Variants in SLC13A1 observed in about 807,000 individuals in gnomAD.
SLC13A1 encodes the protein Na(+)/sulfate cotransporter.
A neutral mutation model predicts 70.0 loss-of-function variants in SLC13A1; 65 were observed. The observed-to-expected ratio is 0.93, with a 90% CI of 0.76 to 1.14. The LOEUF (loss-of-function observed/expected upper bound fraction) is 1.14. Ranked by LOEUF, SLC13A1 falls within the 50% of genes most tolerant of loss-of-function variation. The pLI, the probability that SLC13A1 is intolerant of heterozygous loss-of-function variation, is 0.00. For synonymous variants in SLC13A1, 275 were observed against 250.5 expected (o/e 1.10, Z -0.92); for missense variants, 726 against 717.8 (o/e 1.01, Z -0.13).
intron 3 of SLC13A1, among the ~76,000 whole-genome samples, chr7:123,169,650 A>AAT (rs3034669): frequency 0.27 from 40,539 of 151,968 alleles, 5,551 homozygotes; most frequent in Non-Finnish European, 0.28. Context: ...AACAGCTTAT[A>AAT]ATATTACACC....
chr7:123,185,114 T>G (rs1795757343), intron 1 of SLC13A1, among the ~76,000 whole-genome samples: 1 of 152,082 alleles, frequency 6.6e-6, no homozygotes, highest in African/African-American at 2.4e-5. Context: ...AATTTTTTGC[T>G]TATTTTTCAA....
chr7:123,152,053 T>G (rs1794575851), intron 6 of SLC13A1, among the ~76,000 whole-genome samples: 1 of 152,144 alleles, frequency 6.6e-6, no homozygotes, highest in South Asian at 2.1e-4. Context: ...AGAATCTAAA[T>G]GTAGTTAAGG....
intron 14 of SLC13A1, among the ~76,000 whole-genome samples, chr7:123,116,736 T>C (rs188195060): frequency 2.4e-4 from 36 of 152,302 alleles, no homozygotes; most frequent in Admixed American, 2.1e-3. Context: ...CAGCAGTCTG[T>C]GTGAAAGAAA....
At chr7:123,186,762 C>G (rs1795815722) in intron 1 of SLC13A1, 1 of 455,392 alleles carries the variant, frequency 2.2e-6, no homozygotes, top group African/African-American at 2.0e-5. Context: ...GCAACCGTAA[C>G]AAGTAAACGT....
At chr7:123,197,047 A>G (rs925180324) in intron 1 of SLC13A1, among the ~76,000 whole-genome samples, 1 of 152,160 alleles carries the variant, frequency 6.6e-6, no homozygotes, top group African/African-American at 2.4e-5. Context: ...ATTTGGGGAA[A>G]GCAGTTGGCA....
At chr7:123,164,941 A>T (rs1362583949) in intron 6 of SLC13A1, among the ~76,000 whole-genome samples, 1 of 151,960 alleles carries the variant, frequency 6.6e-6, no homozygotes, top group Non-Finnish European at 1.5e-5. Context: ...TCAAAGTCAA[A>T]CCCCACAGGA....
rs201999568 is a variant in SLC13A1, at chr7:123,115,579, A to G, written c.1727T>C (p.Met576Thr). The G allele has an allele frequency of 1.2e-6, 2 of 1,613,906 alleles. No homozygotes were observed. The highest frequency in any genetic ancestry group is 1.1e-5 in the South Asian group (1 of 91,070). ...MLGICTWIVPMFDLYTYPSWA... is the reference protein window; with the variant it reads ...MLGICTWIVPTFDLYTYPSWA... The stretch of plus-strand genomic sequence containing the variant: ...CGAAGGGTAAGTGTAGAGGTCAAAC[A>G]TGGGTACAATCCAAGTACATATGCC... Residue 576 changes from methionine (M) to threonine (T), a missense_variant, in exon 15 of 15, where the codon ATG (methionine) becomes ACG (threonine). Physicochemically the swap from Met to Thr is moderately conservative, Grantham distance 81. Coordinates refer to ENST00000194130, the MANE Select transcript of SLC13A1 (RefSeq NM_022444.4).
intron 2 of SLC13A1, among the ~76,000 whole-genome samples, chr7:123,178,706 C>T (rs927951010): frequency 2.0e-5 from 3 of 152,032 alleles, no homozygotes; most frequent in East Asian, 3.9e-4. Context: ...GTTACCCTGT[C>T]GGCAAAAAGG....
chr7:123,163,474 T>C (rs1397805694), intron 6 of SLC13A1, among the ~76,000 whole-genome samples: 1 of 152,074 alleles, frequency 6.6e-6, no homozygotes, highest in Non-Finnish European at 1.5e-5. Context: ...GACTCTTCGA[T>C]GTGAATACTT....
chr7:123,160,731 T>C (rs556369956), intron 6 of SLC13A1, among the ~76,000 whole-genome samples: 60 of 152,316 alleles, frequency 3.9e-4, no homozygotes, highest in Middle Eastern at 3.4e-3. Context: ...AGAACTGTTA[T>C]ATAGACCACA....
intron 8 of SLC13A1, among the ~76,000 whole-genome samples, chr7:123,133,409 G>A (rs1793834013): frequency 6.6e-6 from 1 of 152,120 alleles, no homozygotes; most frequent in South Asian, 2.1e-4. Context: ...ACCAAGTGGA[G>A]GGGCAAACCT....
intron 12 of SLC13A1, 90 bp from the exon 13 acceptor site, chr7:123,119,332 G>C: frequency 1.1e-6 from 1 of 912,074 alleles, no homozygotes; most frequent in Non-Finnish European, 1.6e-6. Context: ...TATTTCCTTT[G>C]AAAACTCACT....
At chr7:123,172,169 T>C (rs901704136) in intron 2 of SLC13A1, among the ~76,000 whole-genome samples, 1 of 152,178 alleles carries the variant, frequency 6.6e-6, no homozygotes, top group African/African-American at 2.4e-5. Flanking sequence ...TGCTTTTCTA[T>C]TGGGGCTAAT....
At chr7:123,190,326 G>C (rs1324253722) in intron 1 of SLC13A1, 3 of 333,830 alleles carry the variant, frequency 9.0e-6, no homozygotes, top group Non-Finnish European at 1.8e-5. Context: ...ACTGGCTTGG[G>C]GATTTCCAAC....
At chr7:123,199,250 C>T (rs1796277482) in intron 1 of SLC13A1, among the ~76,000 whole-genome samples, 1 of 152,074 alleles carries the variant, frequency 6.6e-6, no homozygotes, top group Admixed American at 6.6e-5. Context: ...AAAATGCTTA[C>T]AAGTACACCA....
intron 2 of SLC13A1, among the ~76,000 whole-genome samples, chr7:123,177,582 AG>A (rs1795489645): frequency 6.6e-6 from 1 of 152,032 alleles, no homozygotes; most frequent in African/African-American, 2.4e-5. Flanking sequence ...TCTCCTTTTT[AG>A]TTACTCTTTT....
At chr7:123,132,403 C>T (rs767501270) in intron 8 of SLC13A1, among the ~76,000 whole-genome samples, 75 of 152,240 alleles carry the variant, frequency 4.9e-4, no homozygotes, top group Admixed American at 3.3e-3. Context: ...CAGACTTTTG[C>T]TCTTGTCACA....
At chr7:123,141,752 TC>T (rs202237457) in intron 7 of SLC13A1, among the ~76,000 whole-genome samples, 10,508 of 152,214 alleles carry the variant, frequency 0.069, 428 homozygotes, top group Middle Eastern at 0.18. Context: ...TGACTCCTGC[TC>T]CTTTTTGGTT....
At chr7:123,166,714 G>A (rs934961429) in intron 6 of SLC13A1, among the ~76,000 whole-genome samples, 1 of 152,108 alleles carries the variant, frequency 6.6e-6, no homozygotes, top group Non-Finnish European at 1.5e-5. Context: ...TCCCTACAAA[G>A]GACATGAACT....
Sources: gnomAD v4.1 joint callset for allele counts (sites outside exome capture counted in the v4.1 genomes callset) on GRCh38, gnomAD v4.1.1 for gene constraint, MANE v1.5 for transcripts, NCBI Gene and HGNC (gene_info 2026-07-23, HGNC 2026-07-21) for gene names.